RABGAP1L: variants seen among roughly 807,000 people sequenced by gnomAD.
The protein encoded by RABGAP1L is RAB GTPase activating protein 1 like.
A neutral mutation model predicts 137.7 loss-of-function variants in RABGAP1L; 63 were observed. That is an observed-to-expected ratio of 0.46 (90% CI 0.37 to 0.56). The LOEUF is 0.56. Among genes scored for constraint, RABGAP1L ranks in the 20% least tolerant of loss-of-function variants. The pLI is 0.00. For synonymous variants in RABGAP1L, 431 were observed against 433.7 expected, an observed-to-expected ratio of 0.99 and a Z score of 0.08; for missense variants, 1,095 against 1,244.0, an observed-to-expected ratio of 0.88 and a Z score of 1.80.
At chr1:174,622,049 G>C (rs537018228) in intron 13 of RABGAP1L, among the ~76,000 whole-genome samples, 3 of 152,324 alleles carry the variant, frequency 2.0e-5, no homozygotes, top group South Asian at 2.1e-4. Flanking sequence ...CGAAGGATAT[G>C]AATAGACAGT....
intron 1 of RABGAP1L, among the ~76,000 whole-genome samples, chr1:174,199,773 T>G (rs1667971823): frequency 1.3e-5 from 2 of 152,332 alleles, no homozygotes; most frequent in South Asian, 2.1e-4. Context: ...AAATCAGTGT[T>G]GATGGTTCTT....
chr1:174,565,047 G>T (rs1003328294), intron 13 of RABGAP1L, among the ~76,000 whole-genome samples: 3 of 152,188 alleles, frequency 2.0e-5, no homozygotes, highest in Non-Finnish European at 2.9e-5. Context: ...AGGACAGAGA[G>T]CATTTGTTAT....
At chr1:174,909,660 T>G (rs933700698) in intron 19 of RABGAP1L, among the ~76,000 whole-genome samples, 1 of 152,022 alleles carries the variant, frequency 6.6e-6, no homozygotes, top group African/African-American at 2.4e-5. Context: ...GAGAAAAAAA[T>G]AGAGAAGACC....
At chr1:174,680,275 G>A (rs566490528) in intron 14 of RABGAP1L, among the ~76,000 whole-genome samples, 1 of 152,310 alleles carries the variant, frequency 6.6e-6, no homozygotes, top group African/African-American at 2.4e-5. Context: ...CCTTTGGTAG[G>A]TGATTGCATC....
At chr1:174,615,646 C>T (rs10912819) in intron 13 of RABGAP1L, among the ~76,000 whole-genome samples, 21,628 of 152,108 alleles carry the variant, frequency 0.14, 5,142 homozygotes, top group African/African-American at 0.49. Flanking sequence ...GAGGTTACTG[C>T]TGTCTTGTTG....
chr1:174,389,503 C>T (rs1333414195), intron 12 of RABGAP1L, among the ~76,000 whole-genome samples: 1 of 152,026 alleles, frequency 6.6e-6, no homozygotes, highest in Non-Finnish European at 1.5e-5. Context: ...TCCCAATAGA[C>T]ATCTTTAAAA....
chr1:174,880,706 C>T (rs1220569995), intron 19 of RABGAP1L, among the ~76,000 whole-genome samples: 1 of 152,064 alleles, frequency 6.6e-6, no homozygotes, highest in Non-Finnish European at 1.5e-5. Context: ...CTTCCCACCT[C>T]AGCCTCTCCT....
intron 3 of RABGAP1L, among the ~76,000 whole-genome samples, chr1:174,222,879 T>C (rs1486043599): frequency 2.0e-5 from 3 of 152,160 alleles, no homozygotes; most frequent in Non-Finnish European, 2.9e-5. Context: ...CTCATGCCTG[T>C]AATCCCAGCA....
chr1:174,931,013 T>A (rs555369792), intron 19 of RABGAP1L, among the ~76,000 whole-genome samples: 12 of 152,160 alleles, frequency 7.9e-5, no homozygotes, highest in Non-Finnish European at 1.0e-4. Flanking sequence ...GTAGTGGGAT[T>A]TTTTTTTGTT....
At chr1:174,821,673 A>G (rs6658917) in intron 19 of RABGAP1L, among the ~76,000 whole-genome samples, 18,339 of 152,248 alleles carry the variant, frequency 0.12, 1,439 homozygotes, top group South Asian at 0.17. Context: ...GCTGTTTGCT[A>G]TTTATTCCTG....
At chr1:174,494,819 A>G (rs1034320088) in intron 13 of RABGAP1L, among the ~76,000 whole-genome samples, 1 of 152,128 alleles carries the variant, frequency 6.6e-6, no homozygotes, top group Non-Finnish European at 1.5e-5. Flanking sequence ...ACTAGTACCC[A>G]TTCTTTCATA....
intron 13 of RABGAP1L, among the ~76,000 whole-genome samples, chr1:174,624,873 CTTTT>C (rs562834068): frequency 7.6e-6 from 1 of 131,150 alleles, no homozygotes; most frequent in Non-Finnish European, 1.6e-5. Flanking sequence ...TTTATCTTGC[CTTTT>C]TTTTTTTTTT....
chr1:174,579,590 C>G (rs944984285), intron 13 of RABGAP1L, among the ~76,000 whole-genome samples: 1 of 152,128 alleles, frequency 6.6e-6, no homozygotes, highest in East Asian at 1.9e-4. Flanking sequence ...ATTAGAGATT[C>G]TAATTATGTG....
chr1:174,871,556 A>G (rs577315466), intron 19 of RABGAP1L, among the ~76,000 whole-genome samples: 3 of 152,366 alleles, frequency 2.0e-5, no homozygotes, highest in African/African-American at 7.2e-5. Context: ...AGTATATAAC[A>G]TAATGCAGGC....
chr1:174,637,349 C>A, intron 13 of RABGAP1L, 26 bp from the exon 14 acceptor site: 2 of 1,488,704 alleles, frequency 1.3e-6, no homozygotes, highest in Admixed American at 1.8e-5. Context: ...AATTTAATAA[C>A]CAGGTCTATT....
chr1:174,958,729 T>C (rs1008958688), intron 20 of RABGAP1L, among the ~76,000 whole-genome samples: 1 of 152,208 alleles, frequency 6.6e-6, no homozygotes, highest in Admixed American at 6.5e-5. Flanking sequence ...GTAGGTTTTG[T>C]AGTCAGACAG....
At chr1:174,955,256 C>G (rs1046949437) in intron 19 of RABGAP1L, among the ~76,000 whole-genome samples, 5 of 152,168 alleles carry the variant, frequency 3.3e-5, no homozygotes, top group African/African-American at 9.7e-5. Flanking sequence ...GAGACATTCC[C>G]CCATCAGCCA....
intron 1 of RABGAP1L, among the ~76,000 whole-genome samples, chr1:174,203,321 C>G (rs61828575): frequency 0.089 from 13,606 of 152,162 alleles, 825 homozygotes; most frequent in East Asian, 0.22. Flanking sequence ...CTTCAGTGTT[C>G]TGCATATGGC....
At chr1:174,705,270 C>T (rs1409441806) in intron 17 of RABGAP1L, 4 of 152,110 alleles carry the variant, frequency 2.6e-5, no homozygotes, top group African/African-American at 2.4e-5. Flanking sequence ...TGTTGGCACC[C>T]GTGGCATCGG....
Sources: gnomAD v4.1 joint callset for allele counts (sites outside exome capture counted in the v4.1 genomes callset) on GRCh38, gnomAD v4.1.1 for gene constraint, MANE v1.5 for transcripts, NCBI Gene and HGNC (gene_info 2026-07-23, HGNC 2026-07-21) for gene names.